Variants in FAAP24 observed in about 807,000 individuals in gnomAD.
FAAP24 encodes FA core complex associated protein 24.
A neutral mutation model predicts 14.3 loss-of-function variants in FAAP24; 16 were observed. That is an observed-to-expected ratio of 1.12 (90% CI 0.76 to 1.69). The LOEUF is 1.69. Among genes scored for constraint, FAAP24 ranks in the 40% most tolerant of loss-of-function variants. FAAP24 has a pLI of 0.00. For synonymous variants in FAAP24, 111 were observed against 106.2 expected (o/e 1.04, Z -0.28); for missense variants, 234 against 262.7 (o/e 0.89, Z 0.75).
chr19:32,976,858 G>A lies in FAAP24; in HGVS notation c.*176G>A, dbSNP rs565775987. ...AGGTCAGGAGTTCAAGACCAGCCTG[G>A]CCAACATGGAGAAACCCCTAAAAAT... On this transcript the variant is annotated 3_prime_UTR_variant, in exon 5 of 5. Transcript: ENST00000588258. The A allele has an allele frequency of 1.3e-6, 1 of 744,372 alleles. No individual in the cohort carries two copies. Among genetic ancestry groups the A allele is most frequent in the Non-Finnish European group, 2.1e-6 (1 of 473,744 alleles). The allele number at this position is 744,372 out of a possible 1,614,324, so 46.1% of individuals were successfully genotyped here.
Position 32,977,490 on chromosome 19 carries a change from G to A in FAAP24, c.*808G>A, listed in dbSNP as rs13345481. ...GTTTCCAATGTAAATAAATAACTGC[G>A]CAACAGTTCCTTCCTCCTTTCCTTT... is the stretch of plus-strand genomic sequence containing the variant. On this transcript the variant is annotated 3_prime_UTR_variant, in exon 5 of 5. Transcript: ENST00000588258. The A allele has an allele frequency of 1.5e-3, 599 of 398,470 alleles. 3 individuals carry two copies. The highest frequency in any genetic ancestry group is 0.011 in the African/African-American group (551 of 48,666). 24.7% of individuals were successfully genotyped at this position (398,470 alleles called of 1,614,324 possible).
At position 32,976,848 on chromosome 19, in the gene FAAP24, G is replaced by T; in HGVS notation, c.*166G>T. ...GGATCATCTGAGGTCAGGAGTTCAAGACCAGCCTGGCCAACATGGAGAAAC... is the reference window on the plus strand; with the variant it reads ...GGATCATCTGAGGTCAGGAGTTCAATACCAGCCTGGCCAACATGGAGAAAC... On this transcript the variant is annotated 3_prime_UTR_variant, in exon 5 of 5. Transcript: ENST00000588258. The T allele has an allele frequency of 1.2e-6, 1 of 825,378 alleles. No homozygotes were observed. Among genetic ancestry groups the T allele is most frequent in the South Asian group, 1.8e-5 (1 of 54,354 alleles). 51.1% of individuals were successfully genotyped at this position (825,378 alleles called of 1,614,324 possible). A position where few individuals can be genotyped will look rare whatever the true frequency, so the allele number is the denominator to read the frequency against.
chr19:32,977,633 C>T lies in FAAP24; in HGVS notation c.*951C>T, dbSNP rs1029452433. ...TGAAGTTCCCACTTAAAGTTGAAAA[C>T]TCAACGGCCGGGCATAGTGGCTCAC... is the stretch of plus-strand genomic sequence containing the variant. On this transcript the variant is annotated 3_prime_UTR_variant, in exon 5 of 5. Transcript: ENST00000588258. 3 of 388,704 alleles carry T rather than the reference C, an allele frequency of 7.7e-6. No individual in the cohort carries two copies. Among genetic ancestry groups the T allele is most frequent in the Non-Finnish European group, 9.0e-6 (2 of 221,508 alleles). 24.1% of individuals were successfully genotyped at this position (388,704 alleles called of 1,614,324 possible).
intron 4 of FAAP24, among the ~76,000 whole-genome samples, chr19:32,974,940 A>G (rs536824136): frequency 6.6e-6 from 1 of 151,320 alleles, no homozygotes; most frequent in African/African-American, 2.4e-5. Context: ...CAGTGGTACA[A>G]TCTTGGCTCA....
At chr19:32,975,706 C>T (rs1013126499) in intron 4 of FAAP24, among the ~76,000 whole-genome samples, 1 of 152,272 alleles carries the variant, frequency 6.6e-6, no homozygotes, top group South Asian at 2.1e-4. Context: ...GTTGTGCCCG[C>T]CTCAGCCTCC....
rs374804760 is a variant in FAAP24 at position 32,973,410 on chromosome 19, T to C, written c.107-16T>C. On this transcript the variant is annotated splice_polypyrimidine_tract_variant and intron_variant, in intron 2 of 4. Coordinates refer to ENST00000588258, the MANE Select transcript of FAAP24 (RefSeq NM_152266.5). The stretch of plus-strand genomic sequence containing the variant: ...TCCAAAGCTTATGGAACTCATTTTC[T>C]TCTCTGTATTTTAAGGGAAAATTAA... 3.7e-6 allele frequency: 6 copies of C among 1,611,844 alleles called. No individual in the cohort carries two copies. Among genetic ancestry groups the C allele is most frequent in the Middle Eastern group, 3.3e-4 (2 of 6,074 alleles).
chr19:32,973,324 A>G, intron 2 of FAAP24, 22 bp downstream of exon 2: 1 of 1,612,786 alleles, frequency 6.2e-7, no homozygotes, highest in African/African-American at 1.3e-5. Context: ...GCCCTCTGCC[A>G]GCCCTTTCCT....
In FAAP24 at chr19:32,976,601, T is replaced by G. The variant is rs753742037; in HGVS notation, c.567T>G (p.Asn189Lys). The G allele has an allele frequency of 2.9e-5, 47 of 1,614,042 alleles. No homozygotes were observed. Among genetic ancestry groups the G allele is most frequent in the Non-Finnish European group, 3.6e-5 (42 of 1,180,032 alleles). Residue 189 changes from asparagine to lysine, a missense_variant, in exon 5 of 5, where the codon AAT becomes AAG. Physicochemically the swap from Asn to Lys is moderately conservative, Grantham distance 94 (BLOSUM62 0). Coordinates refer to ENST00000588258, the MANE Select transcript of FAAP24 (RefSeq NM_152266.5). Reference sequence around the variant, plus strand: ...TTCCAAGCATCCAGCAACTGAGTAATGCTTCCATTGGGGAACTGGAGCAGG... The same window carrying G: ...TTCCAAGCATCCAGCAACTGAGTAAGGCTTCCATTGGGGAACTGGAGCAGG... Reference protein sequence around the residue: ...QKFPSIQQLSNASIGELEQVV... With the variant: ...QKFPSIQQLSKASIGELEQVV...
chr19:32,972,719 T>C (rs1431901480), intron 1 of FAAP24, among the ~76,000 whole-genome samples: 2 of 142,256 alleles, frequency 1.4e-5, no homozygotes, highest in African/African-American at 2.6e-5. Context: ...TCTTTTCTTT[T>C]TTTTTTTTTT....
In FAAP24 at chr19:32,972,308, C is replaced by G. The variant is rs79371948; in HGVS notation, c.-52C>G. On this transcript the variant is annotated 5_prime_UTR_variant, in exon 1 of 5. Coordinates refer to ENST00000588258, the MANE Select transcript of FAAP24 (RefSeq NM_152266.5). ...TAGACTGGGACGGTGGGGTTCCTGC[C>G]GGCTGTATTCGGGCCTTGGACTGGA... is the stretch of plus-strand genomic sequence containing the variant. The G allele has an allele frequency of 2.4e-6, 1 of 419,542 alleles. No homozygotes were observed. The highest frequency in any genetic ancestry group is 4.2e-6 in the Non-Finnish European group (1 of 236,388). The allele number at this position is 419,542 out of a possible 1,614,324, so 26.0% of individuals were successfully genotyped here.
Position 32,976,782 on chromosome 19 carries a change from T to C in FAAP24, c.*100T>C. 1 of 1,459,144 alleles carries C rather than the reference T, an allele frequency of 6.9e-7. No individual in the cohort carries two copies. Among genetic ancestry groups the C allele is most frequent in the Non-Finnish European group, 9.3e-7 (1 of 1,079,508 alleles). The allele number at this position is 1,459,144 out of a possible 1,614,324, so 90.4% of individuals were successfully genotyped here. A position where few individuals can be genotyped will look rare whatever the true frequency, so the allele number is the denominator to read the frequency against. Reference sequence around the variant, plus strand: ...AAGAGAATGGGCCGGGTGCACTGGCTCACGCCTCTAATCTCAGCACTTTGG... The same window carrying C: ...AAGAGAATGGGCCGGGTGCACTGGCCCACGCCTCTAATCTCAGCACTTTGG... On this transcript the variant is annotated 3_prime_UTR_variant, in exon 5 of 5. Coordinates refer to ENST00000588258, the MANE Select transcript of FAAP24 (RefSeq NM_152266.5).
In FAAP24 at chr19:32,974,754, G is replaced by T. The variant is rs192151527; in HGVS notation, c.396+542G>T. On this transcript the variant is annotated intron_variant, in intron 4 of 4. Coordinates refer to ENST00000588258, the MANE Select transcript of FAAP24 (RefSeq NM_152266.5). ...AGTGGAGATGCTCCATTGCACTCCA[G>T]CCTGAGCAACAGGAGCGAAACTTTG... is the stretch of plus-strand genomic sequence containing the variant. Among the ~76,000 whole-genome samples the T allele has an allele frequency of 1.2e-3, 181 of 152,278 alleles. 1 individual carries two copies. The highest frequency in any genetic ancestry group is 3.4e-3 in the Middle Eastern group (1 of 294).
chr19:32,972,477 G>A (rs1971442661), intron 1 of FAAP24, 131 bp downstream of exon 1: 1 of 397,778 alleles, frequency 2.5e-6, no homozygotes, highest in African/African-American at 2.1e-5. Context: ...GGATCTCGCT[G>A]TATTGCTCAG....
At position 32,974,099 on chromosome 19, in the gene FAAP24, C is replaced by G. The variant is rs555157808; in HGVS notation, c.283C>G (p.Arg95Gly). 1 of 1,614,126 alleles carries G rather than the reference C, an allele frequency of 6.2e-7. No homozygotes were observed. Among genetic ancestry groups the G allele is most frequent in the Admixed American group, 1.7e-5 (1 of 60,004 alleles). Residue 95 changes from arginine to glycine, a missense_variant, in exon 4 of 5, where the codon CGG (arginine) becomes GGG (glycine). Physicochemically the swap from Arg to Gly is moderately radical, Grantham distance 125 (BLOSUM62 -2). Transcript: ENST00000588258. ...LKGIVVVEKT[R>G]MSEQYFPALQ... ...AGGAATTGTAGTCGTTGAAAAAACC[C>G]GGATGAGTGAACAATACTTCCCAGC...
rs56020597 is a variant in FAAP24 at position 32,972,715 on chromosome 19, C to CTTTTTT, written c.-14+382_-14+387dup. The stretch of plus-strand genomic sequence containing the variant: ...GGCCTTTGTGTTTTCTTTTTCTTTT[C>CTTTTTT]TTTTTTTTTTTTTTTTTTGAGACGA... On this transcript the variant is annotated intron_variant, in intron 1 of 4. Coordinates refer to ENST00000588258, the MANE Select transcript of FAAP24 (RefSeq NM_152266.5). Among the ~76,000 whole-genome samples the CTTTTTT allele has an allele frequency of 1.4e-3, 143 of 100,706 alleles. 1 individual carries two copies. Among genetic ancestry groups the CTTTTTT allele is most frequent in the African/African-American group, 4.7e-3 (124 of 26,196 alleles). The allele number at this position is 100,706 out of a possible 152,430, so 66.1% of individuals were successfully genotyped here. A position where few individuals can be genotyped will look rare whatever the true frequency, so the allele number is the denominator to read the frequency against.
chr19:32,973,484 A>G lies in FAAP24; in HGVS notation c.165A>G (p.Arg55=). The G allele has an allele frequency of 3.1e-6, 5 of 1,614,250 alleles. No homozygotes were observed. The highest frequency in any genetic ancestry group is 4.2e-6 in the Non-Finnish European group (5 of 1,180,046). The part of the protein sequence containing the change: ...GLTPDFYLSN[R]CCILYVTEAD... ...CACCAGACTTTTATCTGTCGAACAG[A>G]TGCTGCATTCTTTATGTCACCGAAG... The change falls in exon 3 of 5, where the codon AGA becomes AGG. Residue 55 remains arginine, a synonymous_variant. Coordinates refer to ENST00000588258, the MANE Select transcript of FAAP24 (RefSeq NM_152266.5).
At position 32,976,683 on chromosome 19, in the gene FAAP24, G is replaced by A; in HGVS notation, c.*1G>A. On this transcript the variant is annotated 3_prime_UTR_variant, in exon 5 of 5. Coordinates refer to ENST00000588258, the MANE Select transcript of FAAP24 (RefSeq NM_152266.5). ...TGCCTTCTTCACGCAGCCCAGGTGA[G>A]GGCTGGCCTCAGGGCCACGGCATCT... The A allele has an allele frequency of 6.2e-7, 1 of 1,613,098 alleles. No homozygotes were observed. Among genetic ancestry groups the A allele is most frequent in the Non-Finnish European group, 8.5e-7 (1 of 1,179,204 alleles).
At chr19:32,972,651 A>AC (rs947857251) in intron 1 of FAAP24, among the ~76,000 whole-genome samples, 7 of 145,406 alleles carry the variant, frequency 4.8e-5, no homozygotes, top group Admixed American at 2.7e-4. Flanking sequence ...CACCTCCACC[A>AC]CCACACATCC....
rs573468850 is a variant in FAAP24, at chr19:32,976,942, G to A, written c.*260G>A. 9.5e-6 allele frequency: 5 copies of A among 527,580 alleles called. No individual in the cohort carries two copies. The highest frequency in any genetic ancestry group is 9.2e-5 in the South Asian group (3 of 32,774). 32.7% of individuals were successfully genotyped at this position (527,580 alleles called of 1,614,324 possible). A position where few individuals can be genotyped will look rare whatever the true frequency, so the allele number is the denominator to read the frequency against. On this transcript the variant is annotated 3_prime_UTR_variant, in exon 5 of 5. Coordinates refer to ENST00000588258, the MANE Select transcript of FAAP24 (RefSeq NM_152266.5). ...TGTAATCCCAGCTACTTGGGAGGCC[G>A]AGGCATGAGAATCACTTGAACCCGG...
Sources: gnomAD v4.1 joint callset for allele counts (sites outside exome capture counted in the v4.1 genomes callset) on GRCh38, gnomAD v4.1.1 for gene constraint, MANE v1.5 for transcripts, NCBI Gene and HGNC (gene_info 2026-07-23, HGNC 2026-07-21) for gene names.